ESRRG: variants seen among roughly 807,000 people sequenced by gnomAD.
ESRRG encodes estrogen-related receptor gamma.
A neutral mutation model predicts 44.0 loss-of-function variants in ESRRG; 13 were observed. The observed-to-expected ratio is 0.30, with a 90% confidence interval of 0.19 to 0.47. ESRRG has a LOEUF of 0.47. ESRRG is among the 20% of genes least tolerant of loss of function. ESRRG has a pLI of 1.00. For synonymous variants in ESRRG, 215 were observed against 214.6 expected, an observed-to-expected ratio of 1.00 and a Z score of -0.02; for missense variants, 395 against 580.6, an observed-to-expected ratio of 0.68 and a Z score of 3.29.
At chr1:216,763,472 G>C (rs2092908761) in intron 2 of ESRRG, among the ~76,000 whole-genome samples, 1 of 152,122 alleles carries the variant, frequency 6.6e-6, no homozygotes, top group African/African-American at 2.4e-5. Context: ...AGGATAAGTG[G>C]GAGAGGGAGT....
At chr1:216,952,649 T>C (rs1369708160) in intron 1 of ESRRG, among the ~76,000 whole-genome samples, 2 of 152,136 alleles carry the variant, frequency 1.3e-5, no homozygotes, top group Admixed American at 1.3e-4. Context: ...TCTGAGAGGA[T>C]CCTGAGAGTC....
intron 3 of ESRRG, among the ~76,000 whole-genome samples, chr1:216,576,325 C>T (rs1196694627): frequency 8.0e-6 from 1 of 125,314 alleles, no homozygotes; most frequent in Non-Finnish European, 1.7e-5. Flanking sequence ...AAATGCATAT[C>T]CATTAGGAGG....
chr1:216,839,784 G>A (rs983350590), intron 2 of ESRRG, among the ~76,000 whole-genome samples: 3 of 152,068 alleles, frequency 2.0e-5, no homozygotes, highest in Admixed American at 2.0e-4. Context: ...GGGTAATCAG[G>A]TGCATTGTCA....
intron 3 of ESRRG, among the ~76,000 whole-genome samples, chr1:216,601,554 G>T (rs1404887849): frequency 1.3e-5 from 2 of 152,196 alleles, no homozygotes; most frequent in Admixed American, 1.3e-4. Flanking sequence ...AAGCAAGGGG[G>T]TGCCCTTAAT....
intron 5 of ESRRG, among the ~76,000 whole-genome samples, chr1:216,557,912 A>T (rs2057915338): frequency 6.6e-6 from 1 of 152,188 alleles, no homozygotes; most frequent in Non-Finnish European, 1.5e-5. Flanking sequence ...TGATTATTTC[A>T]CTTTGATCAC....
intron 1 of ESRRG, among the ~76,000 whole-genome samples, chr1:217,014,145 T>C (rs2079018967): frequency 6.6e-6 from 1 of 152,086 alleles, no homozygotes; most frequent in African/African-American, 2.4e-5. Flanking sequence ...TGGGTTCTTA[T>C]TTTAATTTAT....
At chr1:216,526,292 G>A (rs2047622938) in intron 5 of ESRRG, among the ~76,000 whole-genome samples, 1 of 152,114 alleles carries the variant, frequency 6.6e-6, no homozygotes, top group Non-Finnish European at 1.5e-5. Flanking sequence ...TAGGGTCTTT[G>A]TAGATGATCA....
At chr1:216,713,303 A>G (rs2151989018) in intron 1 of ESRRG, among the ~76,000 whole-genome samples, 1 of 152,152 alleles carries the variant, frequency 6.6e-6, no homozygotes, top group African/African-American at 2.4e-5. Flanking sequence ...TTACTTGGAC[A>G]AATACATTTA....
intron 5 of ESRRG, among the ~76,000 whole-genome samples, chr1:216,551,722 G>A (rs2149391396): frequency 6.6e-6 from 1 of 152,268 alleles, no homozygotes; most frequent in Middle Eastern, 3.4e-3. Flanking sequence ...TAGCATCAAT[G>A]CTTACATGGT....
At chr1:217,126,208 C>T (rs1360721271) in intron 1 of ESRRG, among the ~76,000 whole-genome samples, 1 of 150,982 alleles carries the variant, frequency 6.6e-6, no homozygotes, top group African/African-American at 2.5e-5. Flanking sequence ...TACCTACCTA[C>T]CTAGCTACCT....
chr1:216,717,124 T>TAC (rs1196153331), intron 1 of ESRRG, among the ~76,000 whole-genome samples: 1 of 151,920 alleles, frequency 6.6e-6, no homozygotes, highest in East Asian at 1.9e-4. Flanking sequence ...TTTGTGTATA[T>TAC]ACACACATAT....
intron 2 of ESRRG, among the ~76,000 whole-genome samples, chr1:216,791,345 C>T (rs1478181795): frequency 1.3e-5 from 2 of 152,072 alleles, no homozygotes; most frequent in African/African-American, 4.8e-5. Context: ...GCCTGCTCCC[C>T]CTTTGCCTTC....
At chr1:216,948,897 C>T (rs770949200) in intron 1 of ESRRG, among the ~76,000 whole-genome samples, 31 of 152,102 alleles carry the variant, frequency 2.0e-4, no homozygotes, top group Non-Finnish European at 2.5e-4. Context: ...CCATTTGGTG[C>T]ACTTTTTCAA....
intron 2 of ESRRG, among the ~76,000 whole-genome samples, chr1:216,822,985 T>A (rs557987249): frequency 5.3e-5 from 8 of 152,310 alleles, no homozygotes; most frequent in African/African-American, 1.4e-4. Flanking sequence ...ATTGTTGAGA[T>A]TGAAGATGAG....
rs899863055 is a variant in ESRRG at position 216,762,538 on chromosome 1, C to T, written c.-13-85047G>A. The stretch of plus-strand genomic sequence containing the variant: ...CATGGACACAGGAAGGGGAACATCA[C>T]ACTCTGGGGACTGTTGTGGGGTGGG... On this transcript the variant is annotated intron_variant, in intron 2 of 7. Transcript: ENST00000359162. 1.6e-4 allele frequency among the ~76,000 whole-genome samples: 22 copies of T among 136,754 alleles called. 1 individual carries two copies. Among genetic ancestry groups the T allele is most frequent in the Non-Finnish European group, 4.7e-5 (3 of 64,084 alleles). 89.7% of individuals were successfully genotyped at this position (136,754 alleles called of 152,430 possible).
At chr1:217,087,551 G>A (rs1407438671) in intron 1 of ESRRG, among the ~76,000 whole-genome samples, 1 of 152,018 alleles carries the variant, frequency 6.6e-6, no homozygotes, top group Non-Finnish European at 1.5e-5. Flanking sequence ...AACTCCCCTG[G>A]CTCCCCAGGC....
chr1:216,603,868 G>A (rs2059567088), intron 3 of ESRRG, among the ~76,000 whole-genome samples: 1 of 151,236 alleles, frequency 6.6e-6, no homozygotes, highest in Non-Finnish European at 1.5e-5. Context: ...AGGAGGCGGA[G>A]GTTGCAGAGA....
intron 2 of ESRRG, among the ~76,000 whole-genome samples, chr1:216,738,087 C>T (rs974578374): frequency 1.4e-4 from 21 of 151,202 alleles, no homozygotes; most frequent in Non-Finnish European, 2.9e-4. Context: ...TTGGAATCAC[C>T]TGGAGACTTT....
At chr1:216,868,079 C>T (rs1272011398) in intron 2 of ESRRG, among the ~76,000 whole-genome samples, 2 of 78,358 alleles carry the variant, frequency 2.6e-5, no homozygotes, top group South Asian at 5.3e-4. Context: ...TATATTGATC[C>T]TTTTTTTTTT....
Sources: gnomAD v4.1 joint callset for allele counts (sites outside exome capture counted in the v4.1 genomes callset) on GRCh38, gnomAD v4.1.1 for gene constraint, MANE v1.5 for transcripts, NCBI Gene and HGNC (gene_info 2026-07-23, HGNC 2026-07-21) for gene names.